The following NRG1 variants were observed in gnomAD, a reference collection of about 807,000 sequenced individuals.
NRG1 encodes the protein neuregulin 1.
Under a neutral mutation model 63.8 loss-of-function variants are expected in NRG1, and 18 were observed. That is an observed-to-expected ratio of 0.28 (90% CI 0.19 to 0.42). The LOEUF (loss-of-function observed/expected upper bound fraction) is 0.42. Among genes scored for constraint, NRG1 ranks in the 10% least tolerant of loss-of-function variants. The pLI, the probability that NRG1 is intolerant of heterozygous loss-of-function variation, is 1.00. For missense variants in NRG1, 762 were observed against 814.7 expected, an observed-to-expected ratio of 0.94 and a Z score of 0.79; for synonymous variants, 302 against 301.3, an observed-to-expected ratio of 1.00 and a Z score of -0.02.
chr8:32,344,399 GTGCA>G (rs1380250789), intron 1 of NRG1, among the ~76,000 whole-genome samples: 1 of 13,086 alleles, frequency 7.6e-5, no homozygotes, highest in African/African-American at 2.7e-4. Context: ...TTTCTTTTTT[GTGCA>G]TGCATGCGTG....
intron 1 of NRG1, among the ~76,000 whole-genome samples, chr8:32,140,436 C>T (rs1836097020): frequency 6.6e-6 from 1 of 151,832 alleles, no homozygotes; most frequent in African/African-American, 2.4e-5. Flanking sequence ...TTGTCTTCCC[C>T]ACCTGCTGAA....
chr8:31,654,426 AAATATTGAGAAGACAAGATACTTGTG>A (rs1293438563), intron 1 of NRG1, among the ~76,000 whole-genome samples: 4 of 152,340 alleles, frequency 2.6e-5, no homozygotes, highest in African/African-American at 9.6e-5. Context: ...ACATTTTATT[AAATATTGAGAAGACAAGATACTTGTG>A]AATTATGTGT....
At chr8:32,470,968 C>T (rs1430684684) in intron 1 of NRG1, among the ~76,000 whole-genome samples, 1 of 152,028 alleles carries the variant, frequency 6.6e-6, no homozygotes, top group Non-Finnish European at 1.5e-5. Flanking sequence ...TGGCTAATTT[C>T]TAAAAAATAT....
intron 1 of NRG1, among the ~76,000 whole-genome samples, chr8:32,017,457 A>G (rs1365877669): frequency 6.6e-6 from 1 of 152,192 alleles, no homozygotes; most frequent in African/African-American, 2.4e-5. Flanking sequence ...GGTGTCATCC[A>G]GTTTAATTCC....
chr8:32,396,946 C>G (rs983838805), intron 1 of NRG1, among the ~76,000 whole-genome samples: 1 of 152,092 alleles, frequency 6.6e-6, no homozygotes, highest in African/African-American at 2.4e-5. Flanking sequence ...TATTACTCAC[C>G]TTAAAATTCT....
chr8:32,751,585 ATG>A (rs1828739721), intron 7 of NRG1, among the ~76,000 whole-genome samples: 1 of 152,208 alleles, frequency 6.6e-6, no homozygotes, highest in Admixed American at 6.5e-5. Context: ...GAGCCAAACC[ATG>A]AAAAATTCAA....
At chr8:32,157,737 A>G (rs1195111313) in intron 1 of NRG1, among the ~76,000 whole-genome samples, 1 of 151,096 alleles carries the variant, frequency 6.6e-6, no homozygotes, top group Non-Finnish European at 1.5e-5. Context: ...GAGAATAAAT[A>G]TGTATCCACA....
chr8:31,919,085 TTCTC>T (rs890864181), intron 1 of NRG1, among the ~76,000 whole-genome samples: 23 of 152,280 alleles, frequency 1.5e-4, no homozygotes, highest in African/African-American at 5.5e-4. Context: ...TATTTGATTC[TTCTC>T]TCTTTTTTTC....
At chr8:32,478,272 C>A (rs199611565) in intron 1 of NRG1, among the ~76,000 whole-genome samples, 1 of 147,688 alleles carries the variant, frequency 6.8e-6, no homozygotes, top group Non-Finnish European at 1.5e-5. Context: ...TGTGGGGGGG[C>A]CTTTTTGCAG....
intron 5 of NRG1, among the ~76,000 whole-genome samples, chr8:32,655,964 C>T (rs557770025): frequency 1.3e-5 from 2 of 152,230 alleles, no homozygotes; most frequent in South Asian, 4.1e-4. Flanking sequence ...TCACCTTACT[C>T]TTTTTATTGT....
chr8:31,853,266 TTG>T (rs1167174963), intron 1 of NRG1, among the ~76,000 whole-genome samples: 10 of 152,040 alleles, frequency 6.6e-5, no homozygotes, highest in Non-Finnish European at 1.5e-4. Flanking sequence ...TTCCATTTGT[TTG>T]TATCCTCTTT....
At chr8:32,772,626 G>A (rs1831889104), downstream of NRG1, among the ~76,000 whole-genome samples, 1 of 151,862 alleles carries the variant, frequency 6.6e-6, no homozygotes. Flanking sequence ...TTGCCTTACT[G>A]GAGGAGCCCT....
intron 1 of NRG1, among the ~76,000 whole-genome samples, chr8:31,693,392 A>G (rs749508699): frequency 2.6e-5 from 4 of 152,226 alleles, no homozygotes; most frequent in Non-Finnish European, 5.9e-5. Flanking sequence ...CAATTAAAGC[A>G]TAGGGAAACT....
At chr8:32,505,515 A>G (rs4317532) in intron 1 of NRG1, among the ~76,000 whole-genome samples, 1 of 152,192 alleles carries the variant, frequency 6.6e-6, no homozygotes, top group Non-Finnish European at 1.5e-5. Context: ...CTCAAAACCA[A>G]TCATCCATTT....
At chr8:32,209,584 T>G (rs954902786) in intron 1 of NRG1, among the ~76,000 whole-genome samples, 1 of 152,180 alleles carries the variant, frequency 6.6e-6, no homozygotes, top group African/African-American at 2.4e-5. Context: ...CGCCAAAAGA[T>G]TATTTAAGAA....
At chr8:32,161,256 T>C (rs1171216092) in intron 1 of NRG1, among the ~76,000 whole-genome samples, 1 of 152,174 alleles carries the variant, frequency 6.6e-6, no homozygotes, top group Non-Finnish European at 1.5e-5. Flanking sequence ...AATTCTCATC[T>C]CAAATTCCGA....
At chr8:32,379,402 C>T (rs962281448) in intron 1 of NRG1, among the ~76,000 whole-genome samples, 1 of 152,078 alleles carries the variant, frequency 6.6e-6, no homozygotes, top group Non-Finnish European at 1.5e-5. Flanking sequence ...CACACTCTGC[C>T]CTCAATAACA....
downstream of NRG1, among the ~76,000 whole-genome samples, chr8:32,770,535 T>A (rs901690742): frequency 6.6e-6 from 1 of 152,198 alleles, no homozygotes; most frequent in African/African-American, 2.4e-5. Flanking sequence ...TTTAGAAGAA[T>A]GTGAGCCCTT....
intron 1 of NRG1, among the ~76,000 whole-genome samples, chr8:31,974,670 C>T (rs144863545): frequency 4.6e-5 from 7 of 152,294 alleles, no homozygotes; most frequent in Admixed American, 2.6e-4. Flanking sequence ...AGGCAAGAAC[C>T]GCACTACTGA....
Sources: gnomAD v4.1 joint callset for allele counts (sites outside exome capture counted in the v4.1 genomes callset) on GRCh38, gnomAD v4.1.1 for gene constraint, MANE v1.5 for transcripts, NCBI Gene and HGNC (gene_info 2026-07-23, HGNC 2026-07-21) for gene names.